The following TLE1 variants were observed in gnomAD, a reference collection of about 807,000 sequenced individuals.
TLE1 encodes transducin-like enhancer protein 1.
A neutral mutation model predicts 89.8 loss-of-function variants in TLE1; 21 were observed. That is an observed-to-expected ratio of 0.23 (90% CI 0.17 to 0.34). The LOEUF is 0.34. TLE1 is among the 10% of genes least tolerant of loss of function. The pLI, the probability that TLE1 is intolerant of heterozygous loss-of-function variation, is 1.00. For synonymous variants in TLE1, 447 were observed against 407.6 expected (o/e 1.10, Z -1.16); for missense variants, 795 against 1,031.2 (o/e 0.77, Z 3.14).
intron 4 of TLE1, among the ~76,000 whole-genome samples, chr9:81,672,364 ACT>A (rs1832333002): frequency 6.7e-6 from 1 of 149,738 alleles, no homozygotes; most frequent in African/African-American, 2.5e-5. Flanking sequence ...ATGGAGTTTC[ACT>A]CTTTTTGCCC....
intron 8 of TLE1, among the ~76,000 whole-genome samples, chr9:81,631,150 T>C (rs1186424501): frequency 6.6e-6 from 1 of 152,228 alleles, no homozygotes; most frequent in African/African-American, 2.4e-5. Context: ...AACCCTAACT[T>C]ATAGACTTAC....
chr9:81,611,746 C>T (rs1214483424), intron 13 of TLE1, 23 bp downstream of exon 13: 15 of 1,488,628 alleles, frequency 1.0e-5, no homozygotes, highest in Non-Finnish European at 1.3e-5. Flanking sequence ...ACCCCAACCA[C>T]AGCCCACCCG....
chr9:81,660,201 G>C (rs944647544), intron 4 of TLE1, among the ~76,000 whole-genome samples: 4 of 151,858 alleles, frequency 2.6e-5, no homozygotes, highest in African/African-American at 7.3e-5. Flanking sequence ...TACTAAAACT[G>C]ATGCCAGGGT....
intron 9 of TLE1, among the ~76,000 whole-genome samples, chr9:81,619,087 A>T (rs1432653308): frequency 6.6e-6 from 1 of 152,234 alleles, no homozygotes; most frequent in African/African-American, 2.4e-5. Flanking sequence ...ATGAAGGGCA[A>T]TTCAGAATTC....
chr9:81,688,561 T>C lies in TLE1; in HGVS notation c.-321A>G, dbSNP rs2133222950. ...CAGCGCTCCAACCCCCGGCCTCAGC[T>C]GCCCGGGCGGGGAGGCGGGGGCGCG... On this transcript the variant is annotated 5_prime_UTR_variant, in exon 1 of 20. Transcript: ENST00000376499. 1 of 297,066 alleles carries C rather than the reference T, an allele frequency of 3.4e-6. No individual in the cohort carries two copies. 18.4% of individuals were successfully genotyped at this position (297,066 alleles called of 1,614,324 possible). A position where few individuals can be genotyped will look rare whatever the true frequency, so the allele number is the denominator to read the frequency against.
chr9:81,607,053 G>C (rs1831770821), intron 14 of TLE1, among the ~76,000 whole-genome samples: 1 of 110,246 alleles, frequency 9.1e-6, no homozygotes. Flanking sequence ...GGGAGACCCA[G>C]TGTCTCTAAA....
chr9:81,643,796 A>C (rs1448348323), intron 6 of TLE1, among the ~76,000 whole-genome samples: 1 of 152,146 alleles, frequency 6.6e-6, no homozygotes, highest in Non-Finnish European at 1.5e-5. Context: ...TTGGCCTCCC[A>C]AACTGCTGGG....
At chr9:81,615,868 T>TAA in intron 11 of TLE1, 114 bp downstream of exon 11, 1 of 1,377,968 alleles carries the variant, frequency 7.3e-7, no homozygotes, top group Non-Finnish European at 1.0e-6. Flanking sequence ...ATTAAACTCT[T>TAA]AAAAATACAA....
intron 4 of TLE1, among the ~76,000 whole-genome samples, chr9:81,655,368 A>G (rs947542863): frequency 2.0e-5 from 3 of 149,368 alleles, no homozygotes; most frequent in Non-Finnish European, 4.4e-5. Context: ...CTCAAAAAAT[A>G]AAAAAAATAA....
intron 4 of TLE1, among the ~76,000 whole-genome samples, chr9:81,663,403 T>C (rs1026914375): frequency 1.3e-5 from 2 of 152,166 alleles, no homozygotes; most frequent in South Asian, 2.1e-4. Context: ...AAGTTGAGAA[T>C]TGGGAGATAA....
intron 4 of TLE1, among the ~76,000 whole-genome samples, chr9:81,669,414 T>C (rs1407502831): frequency 1.3e-5 from 2 of 152,172 alleles, no homozygotes; most frequent in African/African-American, 4.8e-5. Flanking sequence ...TGAGGGGAAA[T>C]AACCTTCTAA....
chr9:81,633,662 T>C (rs1826998896), intron 7 of TLE1: 3 of 512,206 alleles, frequency 5.9e-6, no homozygotes, highest in East Asian at 2.9e-5. Context: ...CAATATTTAA[T>C]GCATACTAGA....
chr9:81,595,829 A>ATT (rs1830127190), intron 14 of TLE1, among the ~76,000 whole-genome samples: 1 of 151,846 alleles, frequency 6.6e-6, no homozygotes, highest in African/African-American at 2.4e-5. Context: ...AAAAAAAAAA[A>ATT]AAAATTAAAA....
intron 6 of TLE1, among the ~76,000 whole-genome samples, chr9:81,635,674 C>T (rs1827272470): frequency 6.6e-6 from 1 of 152,166 alleles, no homozygotes; most frequent in South Asian, 2.1e-4. Flanking sequence ...TTTATTATCC[C>T]TTTGCGTGCA....
chr9:81,621,762 C>T (rs1185787349), intron 8 of TLE1, among the ~76,000 whole-genome samples: 1 of 152,190 alleles, frequency 6.6e-6, no homozygotes. Flanking sequence ...ATGGACCCCA[C>T]CATGGGAGGG....
intron 4 of TLE1, among the ~76,000 whole-genome samples, chr9:81,674,999 A>C (rs1225263165): frequency 6.6e-6 from 1 of 152,156 alleles, no homozygotes; most frequent in Non-Finnish European, 1.5e-5. Flanking sequence ...TACTGAAAAA[A>C]ATCAAAAAAT....
chr9:81,628,343 A>C (rs550692389), intron 8 of TLE1, among the ~76,000 whole-genome samples: 1 of 152,186 alleles, frequency 6.6e-6, no homozygotes, highest in African/African-American at 2.4e-5. Flanking sequence ...AATTCCACTA[A>C]AGTCTGCCTT....
intron 14 of TLE1, among the ~76,000 whole-genome samples, chr9:81,602,801 G>A (rs1480150162): frequency 1.3e-5 from 2 of 152,160 alleles, no homozygotes; most frequent in East Asian, 3.9e-4. Context: ...CTGGGCATGA[G>A]AAAGGTGAGA....
chr9:81,612,043 G>T, intron 12 of TLE1, 84 bp from the exon 13 acceptor site: 1 of 1,110,516 alleles, frequency 9.0e-7, no homozygotes. Flanking sequence ...TCATTTGTTA[G>T]TGTCACTCAT....
Sources: allele counts gnomAD v4.1 joint callset (sites outside exome capture counted in the v4.1 genomes callset), GRCh38; gene constraint gnomAD v4.1.1; transcripts MANE v1.5; gene names NCBI Gene and HGNC (gene_info 2026-07-23, HGNC 2026-07-21).